NWD2: variants seen among roughly 807,000 people sequenced by gnomAD.
The protein encoded by NWD2 is NACHT and WD repeat domain containing 2.
In NWD2, 37 loss-of-function variants were observed where a neutral mutation model predicts 132.7. The observed-to-expected ratio is 0.28, with a 90% CI of 0.21 to 0.37. NWD2 has a LOEUF of 0.37. NWD2 is among the 10% of genes least tolerant of loss of function. The pLI is 1.00. For missense variants in NWD2, 1,592 were observed against 2,122.4 expected (o/e 0.75, Z 4.91); for synonymous variants, 705 against 803.0 (o/e 0.88, Z 2.06).
At chr4:37,302,234 A>G (rs1319268292) in intron 1 of NWD2, among the ~76,000 whole-genome samples, 1 of 151,886 alleles carries the variant, frequency 6.6e-6, no homozygotes, top group Non-Finnish European at 1.5e-5. Context: ...TGCCTGACCT[A>G]TCTCACCTAT....
At chr4:37,291,641 A>G (rs1418551196) in intron 1 of NWD2, among the ~76,000 whole-genome samples, 1 of 152,084 alleles carries the variant, frequency 6.6e-6, no homozygotes, top group Non-Finnish European at 1.5e-5. Flanking sequence ...TGTCAGTAGT[A>G]TTTAGAAGTT....
intron 1 of NWD2, among the ~76,000 whole-genome samples, chr4:37,252,444 A>C (rs1717396209): frequency 6.6e-6 from 1 of 152,186 alleles, no homozygotes; most frequent in African/African-American, 2.4e-5. Context: ...AGGTGTGTGA[A>C]GGTTTCTATT....
At chr4:37,351,609 A>C (rs976609379) in intron 2 of NWD2, among the ~76,000 whole-genome samples, 1 of 150,434 alleles carries the variant, frequency 6.6e-6, no homozygotes, top group Non-Finnish European at 1.5e-5. Context: ...CAATTTTGTT[A>C]ATCTTTTCAA....
At position 37,300,443 on chromosome 4, in the gene NWD2, C is replaced by T. The variant is rs149258322; in HGVS notation, c.152-25493C>T. The stretch of plus-strand genomic sequence containing the variant: ...TCTGAAAGGCCTCATATAGATCATA[C>T]GGGGTTTTCTTTAAATAGACTTTAA... On this transcript the variant is annotated intron_variant, in intron 1 of 6. Transcript: ENST00000309447. Among the ~76,000 whole-genome samples, 913 of 152,056 alleles carry T rather than the reference C, an allele frequency of 6.0e-3. 7 individuals carry two copies. Among genetic ancestry groups the T allele is most frequent in the African/African-American group, 0.021 (867 of 41,474 alleles).
At chr4:37,383,052 C>A (rs545729929) in intron 3 of NWD2, among the ~76,000 whole-genome samples, 10 of 152,284 alleles carry the variant, frequency 6.6e-5, no homozygotes, top group African/African-American at 2.4e-4. Context: ...CTGCTGACAA[C>A]CATTTCTTCT....
chr4:37,309,027 TGA>T (rs1371195222), intron 1 of NWD2, among the ~76,000 whole-genome samples: 1 of 152,164 alleles, frequency 6.6e-6, no homozygotes, highest in East Asian at 1.9e-4. Flanking sequence ...GGGGATTGCA[TGA>T]GAGAGCACAG....
intron 1 of NWD2, among the ~76,000 whole-genome samples, chr4:37,269,335 A>G (rs1414105983): frequency 6.6e-6 from 1 of 151,916 alleles, no homozygotes; most frequent in Non-Finnish European, 1.5e-5. Flanking sequence ...ACTGATGTCT[A>G]AAATATTAAA....
chr4:37,313,456 T>C (rs1718892430), intron 1 of NWD2, among the ~76,000 whole-genome samples: 2 of 151,204 alleles, frequency 1.3e-5, no homozygotes, highest in East Asian at 1.9e-4. Flanking sequence ...TTTGTATTTC[T>C]GTGGGATCGG....
chr4:37,270,148 T>G (rs1346079203), intron 1 of NWD2, among the ~76,000 whole-genome samples: 1 of 151,830 alleles, frequency 6.6e-6, no homozygotes, highest in East Asian at 1.9e-4. Flanking sequence ...CTTTGACTCA[T>G]TTTTAAAAAA....
intron 1 of NWD2, among the ~76,000 whole-genome samples, chr4:37,295,463 G>A (rs780856285): frequency 2.6e-5 from 4 of 152,124 alleles, no homozygotes; most frequent in Admixed American, 1.3e-4. Flanking sequence ...TTAGCTCAGC[G>A]TGTGTGTATC....
chr4:37,425,435 C>A (rs1268190938), intron 3 of NWD2, among the ~76,000 whole-genome samples: 1 of 152,096 alleles, frequency 6.6e-6, no homozygotes, highest in East Asian at 1.9e-4. Flanking sequence ...TAAGAATAGG[C>A]CAATTTAAAT....
Position 37,431,713 on chromosome 4 carries a change from A to G in NWD2, c.561+938A>G, listed in dbSNP as rs187574408. Among the ~76,000 whole-genome samples the G allele has an allele frequency of 2.7e-4, 41 of 152,304 alleles. No homozygotes were observed. The East Asian group carries it at 7.7e-3, about 29-fold the overall frequency. On this transcript the variant is annotated intron_variant, in intron 4 of 6. Transcript: ENST00000309447. ...TCACCATTTCACAGTATATACATAG[A>G]TCAAAACATCACATTGTGCACCTTT...
intron 1 of NWD2, among the ~76,000 whole-genome samples, chr4:37,313,890 A>G (rs9998231): frequency 0.05 from 7,539 of 150,672 alleles, 951 homozygotes; most frequent in African/African-American, 0.16. Context: ...TAGAGACAGG[A>G]TTTCACCATG....
At chr4:37,441,501 C>T (rs1197478062) in intron 6 of NWD2, among the ~76,000 whole-genome samples, 1 of 152,188 alleles carries the variant, frequency 6.6e-6, no homozygotes. Context: ...TGTGATGCAC[C>T]TCCACATGCT....
chr4:37,393,450 CAT>C (rs548355327), intron 3 of NWD2, among the ~76,000 whole-genome samples: 33 of 152,216 alleles, frequency 2.2e-4, no homozygotes, highest in African/African-American at 6.5e-4. Context: ...AATGTCAAAA[CAT>C]GTGATAAAGA....
At chr4:37,305,584 C>A (rs1718695575) in intron 1 of NWD2, among the ~76,000 whole-genome samples, 1 of 152,070 alleles carries the variant, frequency 6.6e-6, no homozygotes, top group African/African-American at 2.4e-5. Flanking sequence ...GTTTCTTTGG[C>A]CTGTGGTTTT....
chr4:37,277,732 C>A (rs1718051161), intron 1 of NWD2, among the ~76,000 whole-genome samples: 1 of 152,000 alleles, frequency 6.6e-6, no homozygotes, highest in Non-Finnish European at 1.5e-5. Context: ...CTACTGACTA[C>A]TTTTTTCCTT....
At chr4:37,335,100 T>C (rs1011169474) in intron 2 of NWD2, among the ~76,000 whole-genome samples, 4 of 152,084 alleles carry the variant, frequency 2.6e-5, no homozygotes, top group Admixed American at 2.0e-4. Flanking sequence ...ATCTGACCCT[T>C]GTCCACAAGA....
rs1717203476 is a variant in NWD2, at chr4:37,245,071, T to C, written c.4T>C (p.Trp2Arg). The change falls in exon 1 of 7, where the codon TGG (tryptophan) becomes CGG (arginine). Residue 2 changes from tryptophan to arginine, a missense_variant. By Grantham distance (101) the Trp-to-Arg change is moderately radical. Around this residue, in one of 7 missense-constraint regions of NWD2, gnomAD observed 88 missense variants for 92.8 expected, o/e 0.95. Coordinates refer to ENST00000309447, the MANE Select transcript of NWD2 (RefSeq NM_001144990.2). M[W>R]PAGAGTKLPC... ...TGGCTGTTCCTCCCAGAGGGCGATG[T>C]GGCCGGCCGGCGCGGGCACCAAGCT... 1 of 1,544,968 alleles carries C rather than the reference T, an allele frequency of 6.5e-7. No homozygotes were observed. The highest frequency in any genetic ancestry group is 1.4e-5 in the African/African-American group (1 of 72,826).
Sources: allele counts gnomAD v4.1 joint callset (sites outside exome capture counted in the v4.1 genomes callset), GRCh38; gene constraint gnomAD v4.1.1; regional missense constraint gnomAD v4.1.1; transcripts MANE v1.5; gene names NCBI Gene and HGNC (gene_info 2026-07-23, HGNC 2026-07-21).